HIPK2: variants seen among roughly 807,000 people sequenced by gnomAD.
HIPK2 encodes homeodomain-interacting protein kinase 2.
A neutral mutation model predicts 113.7 loss-of-function variants in HIPK2; 27 were observed. The observed-to-expected ratio is 0.24, with a 90% CI of 0.17 to 0.33. The LOEUF is 0.33. Among genes scored for constraint, HIPK2 ranks in the 10% least tolerant of loss-of-function variants. The pLI, the probability that HIPK2 is intolerant of heterozygous loss-of-function variation, is 1.00. For missense variants in HIPK2, 1,257 were observed against 1,588.0 expected (o/e 0.79, Z 3.54); for synonymous variants, 631 against 642.2 (o/e 0.98, Z 0.26).
intron 2 of HIPK2, among the ~76,000 whole-genome samples, chr7:139,692,909 G>A (rs963226428): frequency 2.0e-5 from 3 of 152,200 alleles, no homozygotes; most frequent in Non-Finnish European, 2.9e-5. Flanking sequence ...AAGCCAGGTC[G>A]TTTGGTTCCT....
intron 2 of HIPK2, among the ~76,000 whole-genome samples, chr7:139,651,303 C>T (rs1003937326): frequency 2.0e-5 from 3 of 151,948 alleles, no homozygotes; most frequent in African/African-American, 7.2e-5. Flanking sequence ...AGTTTGCAAG[C>T]TGCTATTCCA....
intron 2 of HIPK2, among the ~76,000 whole-genome samples, chr7:139,689,323 C>T (rs1794328994): frequency 1.3e-5 from 2 of 152,162 alleles, no homozygotes; most frequent in East Asian, 1.9e-4. Flanking sequence ...AGCCCACATA[C>T]CAAATGGAAC....
chr7:139,622,313 G>A (rs1800262824), intron 6 of HIPK2, among the ~76,000 whole-genome samples: 1 of 152,214 alleles, frequency 6.6e-6, no homozygotes, highest in African/African-American at 2.4e-5. Context: ...TATCCAGTAG[G>A]TAAAAATACT....
intron 2 of HIPK2, among the ~76,000 whole-genome samples, chr7:139,660,743 T>G (rs555207150): frequency 6.6e-6 from 1 of 152,356 alleles, no homozygotes; most frequent in African/African-American, 2.4e-5. Flanking sequence ...CACAGAGGGC[T>G]AGCCAGTCTA....
At chr7:139,747,953 C>A (rs928460494) in intron 1 of HIPK2, among the ~76,000 whole-genome samples, 1 of 152,132 alleles carries the variant, frequency 6.6e-6, no homozygotes. Flanking sequence ...GAGGGTGGAC[C>A]GAGAGAGACA....
At chr7:139,658,354 A>G (rs1049859043) in intron 2 of HIPK2, among the ~76,000 whole-genome samples, 1 of 152,082 alleles carries the variant, frequency 6.6e-6, no homozygotes, top group Admixed American at 6.5e-5. Context: ...GAGTGTTGAC[A>G]TATTTGACAA....
chr7:139,579,515 C>T (rs554999624), intron 13 of HIPK2, among the ~76,000 whole-genome samples: 3 of 152,264 alleles, frequency 2.0e-5, no homozygotes, highest in Non-Finnish European at 4.4e-5. Context: ...TTACAAATCC[C>T]AGGGCGATGA....
At chr7:139,745,158 T>C (rs528002875) in intron 1 of HIPK2, among the ~76,000 whole-genome samples, 3 of 152,342 alleles carry the variant, frequency 2.0e-5, no homozygotes, top group Admixed American at 2.0e-4. Context: ...TTCACCAACC[T>C]TCAAACATGC....
In HIPK2 at chr7:139,564,431, A is replaced by G. The variant is rs530273996; in HGVS notation, c.*8496T>C. On this transcript the variant is annotated 3_prime_UTR_variant, in exon 15 of 15. Coordinates refer to ENST00000406875, the MANE Select transcript of HIPK2 (RefSeq NM_022740.5). ...TTCAAATCAAGACAAAAATCAATGAACCAGGTTATCTGTTCTCAATGACTC... is the reference window on the plus strand; with the variant it reads ...TTCAAATCAAGACAAAAATCAATGAGCCAGGTTATCTGTTCTCAATGACTC... The G allele has an allele frequency of 1.3e-5, 2 of 152,656 alleles. No homozygotes were observed. The highest frequency in any genetic ancestry group is 4.8e-5 in the African/African-American group (2 of 41,590). The allele number at this position is 152,656 out of a possible 1,614,324, so 9.5% of individuals were successfully genotyped here.
Position 139,564,766 on chromosome 7 carries a change from T to C in HIPK2, c.*8161A>G, listed in dbSNP as rs1305559836. The C allele has an allele frequency of 2.0e-5, 3 of 152,214 alleles. No individual in the cohort carries two copies. Among genetic ancestry groups the C allele is most frequent in the African/African-American group, 7.2e-5 (3 of 41,464 alleles). The allele number at this position is 152,214 out of a possible 1,614,324, so 9.4% of individuals were successfully genotyped here. ...AAAGTACCAGTCTAAATGTAAACTA[T>C]AAAACACTTTAACTATAAAACGTAG... On this transcript the variant is annotated 3_prime_UTR_variant, in exon 15 of 15. Coordinates refer to ENST00000406875, the MANE Select transcript of HIPK2 (RefSeq NM_022740.5).
At chr7:139,621,794 G>A (rs555133722) in intron 6 of HIPK2, among the ~76,000 whole-genome samples, 82 of 151,808 alleles carry the variant, frequency 5.4e-4, no homozygotes, top group Admixed American at 2.2e-3. Context: ...GTGGTGGCAC[G>A]TGCGCATGGT....
chr7:139,642,541 T>C (rs891078407), intron 2 of HIPK2, among the ~76,000 whole-genome samples: 1 of 152,156 alleles, frequency 6.6e-6, no homozygotes, highest in African/African-American at 2.4e-5. Context: ...CCCCACAGGA[T>C]GAATCCACAC....
Position 139,715,537 on chromosome 7 carries a change from C to A in HIPK2, c.1103+395G>T, listed in dbSNP as rs534708524. On this transcript the variant is annotated intron_variant, in intron 2 of 14. Transcript: ENST00000406875. ...TTTCACTCACATCTCCCACCACTCA[C>A]AAACTGTTCTGGCCAGGCGGGTGTC... 2.6e-4 allele frequency among the ~76,000 whole-genome samples: 39 copies of A among 152,344 alleles called. 1 individual carries two copies. The highest frequency in any genetic ancestry group is 9.4e-4 in the African/African-American group (39 of 41,574).
intron 2 of HIPK2, among the ~76,000 whole-genome samples, chr7:139,674,297 GTGTT>G: frequency 6.6e-6 from 1 of 152,302 alleles, no homozygotes; most frequent in South Asian, 2.1e-4. Flanking sequence ...AGTGAGGTGG[GTGTT>G]TGGTTTTTCA....
chr7:139,628,839 C>T, intron 5 of HIPK2, 114 bp downstream of exon 5: 2 of 854,442 alleles, frequency 2.3e-6, no homozygotes, highest in South Asian at 3.4e-5. Flanking sequence ...TCAAGGTCAA[C>T]CACTGCAGTT....
In HIPK2 at chr7:139,630,202, T is replaced by A. The variant is rs1460571542; in HGVS notation, c.1347+963A>T. On this transcript the variant is annotated intron_variant, in intron 4 of 14. Coordinates refer to ENST00000406875, the MANE Select transcript of HIPK2 (RefSeq NM_022740.5). This position sits in a 1 kb window ranked among gnomAD's most constrained non-coding sequence, Gnocchi z 4.0. ...GGCACAGATCAAAGTGAAAGCAAAC[T>A]ATGTTTCTGTTAAAGTGAAGCCCCT... Among the ~76,000 whole-genome samples the A allele has an allele frequency of 1.3e-5, 2 of 152,080 alleles. No homozygotes were observed. Among genetic ancestry groups the A allele is most frequent in the Non-Finnish European group, 2.9e-5 (2 of 68,004 alleles).
chr7:139,691,038 CA>C (rs1044143491), intron 2 of HIPK2, among the ~76,000 whole-genome samples: 1 of 152,076 alleles, frequency 6.6e-6, no homozygotes, highest in African/African-American at 2.4e-5. Context: ...ATGTATTTGA[CA>C]TAAAAAACAG....
At chr7:139,579,578 T>C (rs1798599440) in intron 13 of HIPK2, among the ~76,000 whole-genome samples, 1 of 151,914 alleles carries the variant, frequency 6.6e-6, no homozygotes, top group Non-Finnish European at 1.5e-5. Context: ...GAAAGAATGC[T>C]GATTAATTGT....
chr7:139,665,874 G>C (rs971531674), intron 2 of HIPK2, among the ~76,000 whole-genome samples: 2 of 151,704 alleles, frequency 1.3e-5, no homozygotes, highest in South Asian at 4.2e-4. Flanking sequence ...TGAGCTTTGA[G>C]AACATTCTTC....
Sources: allele counts gnomAD v4.1 joint callset (sites outside exome capture counted in the v4.1 genomes callset), GRCh38; gene constraint gnomAD v4.1.1; non-coding constraint Gnocchi (gnomAD v3.1); transcripts MANE v1.5; gene names NCBI Gene and HGNC (gene_info 2026-07-23, HGNC 2026-07-21).